TASP1: variants seen among roughly 807,000 people sequenced by gnomAD.
The protein encoded by TASP1 is taspase 1, also known as threonine aspartase 1.
In TASP1, 16 loss-of-function variants were observed where a neutral mutation model predicts 56.6. That is an observed-to-expected ratio of 0.28 (90% CI 0.19 to 0.43). The LOEUF (loss-of-function observed/expected upper bound fraction) is 0.43, where lower values mean the gene tolerates loss of function less well. Among genes scored for constraint, TASP1 ranks in the 20% least tolerant of loss-of-function variants. The probability of loss-of-function intolerance (pLI) is 1.00; values close to 1 mark genes in which losing one functional copy is unlikely to be tolerated. For synonymous variants in TASP1, 179 were observed against 184.2 expected, an observed-to-expected ratio of 0.97 and a Z score of 0.23; for missense variants, 393 against 511.6, an observed-to-expected ratio of 0.77 and a Z score of 2.24.
At chr20:13,337,717 C>T in the TASP1 span, among the ~76,000 whole-genome samples, 1 of 152,226 alleles carries the variant, frequency 6.6e-6, no homozygotes, top group Non-Finnish European at 1.5e-5. Flanking sequence ...TTACCTTTGA[C>T]AGTTCTTGAG....
the TASP1 span, among the ~76,000 whole-genome samples, chr20:13,173,415 G>C: frequency 2.0e-5 from 3 of 152,252 alleles, no homozygotes; most frequent in Non-Finnish European, 4.4e-5. Flanking sequence ...GTTACTTCTT[G>C]CGTCATGTCT....
chr20:13,580,023 G>A (rs528957399), intron 6 of TASP1, among the ~76,000 whole-genome samples: 7 of 152,328 alleles, frequency 4.6e-5, no homozygotes, highest in African/African-American at 1.7e-4. Flanking sequence ...GACTAAGTGT[G>A]ACAAGGTATT....
the TASP1 span, among the ~76,000 whole-genome samples, chr20:13,145,260 C>T: frequency 6.6e-6 from 1 of 152,088 alleles, no homozygotes; most frequent in African/African-American, 2.4e-5. Flanking sequence ...GGCCCCAAAG[C>T]CCCTCAGCTG....
chr20:13,285,548 G>A, the TASP1 span, among the ~76,000 whole-genome samples: 4 of 152,110 alleles, frequency 2.6e-5, no homozygotes, highest in African/African-American at 4.8e-5. Flanking sequence ...GGCACTTCAC[G>A]CTTGGGGGAA....
the TASP1 span, among the ~76,000 whole-genome samples, chr20:13,360,452 C>A: frequency 6.6e-6 from 1 of 152,116 alleles, no homozygotes; most frequent in Non-Finnish European, 1.5e-5. Flanking sequence ...AACCCAAGCA[C>A]CTTCTACAAA....
intron 11 of TASP1, among the ~76,000 whole-genome samples, chr20:13,478,611 A>G (rs934129501): frequency 6.6e-6 from 1 of 152,142 alleles, no homozygotes; most frequent in Non-Finnish European, 1.5e-5. Context: ...AAATTACGTA[A>G]TGGGTACAAT....
In TASP1 at chr20:13,562,308, A is replaced by G. The variant is rs765457842; in HGVS notation, c.569-3194T>C. 5.9e-5 allele frequency among the ~76,000 whole-genome samples: 9 copies of G among 152,166 alleles called. 1 individual carries two copies. Among genetic ancestry groups the G allele is most frequent in the Admixed American group, 1.3e-4 (2 of 15,284 alleles). On this transcript the variant is annotated intron_variant, in intron 7 of 13. Transcript: ENST00000337743. ...CTATAAACACATTAAAAAATAAGAA[A>G]GATTTCAAACAACAACCTAGCTTTA...
At chr20:13,312,061 G>T in the TASP1 span, among the ~76,000 whole-genome samples, 1 of 151,826 alleles carries the variant, frequency 6.6e-6, no homozygotes, top group African/African-American at 2.4e-5. Context: ...TGTCAGTTAA[G>T]AATTAATTAA....
intron 7 of TASP1, among the ~76,000 whole-genome samples, chr20:13,559,710 T>A (rs1272162819): frequency 2.0e-5 from 3 of 152,060 alleles, no homozygotes; most frequent in Admixed American, 2.0e-4. Flanking sequence ...ACCTGTGAGA[T>A]CCCAGGGTAA....
intron 13 of TASP1, among the ~76,000 whole-genome samples, chr20:13,391,052 G>C (rs540150537): frequency 6.6e-6 from 1 of 152,326 alleles, no homozygotes; most frequent in African/African-American, 2.4e-5. Flanking sequence ...CCAGAGGCAA[G>C]CCTGCTGCCC....
the TASP1 span, among the ~76,000 whole-genome samples, chr20:13,268,125 T>C: frequency 8.4e-6 from 1 of 119,640 alleles, no homozygotes; most frequent in African/African-American, 3.3e-5. Flanking sequence ...TCTTCTCTTC[T>C]CTTCTCTTCT....
chr20:13,612,536 T>C (rs1312119370), intron 4 of TASP1, among the ~76,000 whole-genome samples: 4 of 142,556 alleles, frequency 2.8e-5, no homozygotes, highest in Non-Finnish European at 6.2e-5. Flanking sequence ...ACATTCCCCA[T>C]ACACAGAAGC....
the TASP1 span, among the ~76,000 whole-genome samples, chr20:13,273,375 C>G: frequency 6.6e-6 from 1 of 152,010 alleles, no homozygotes; most frequent in Non-Finnish European, 1.5e-5. Flanking sequence ...GCTGGGACTA[C>G]AGGTGTGAGC....
At chr20:13,489,248 T>TA (rs2043434499) in intron 10 of TASP1, among the ~76,000 whole-genome samples, 1 of 152,176 alleles carries the variant, frequency 6.6e-6, no homozygotes, top group Non-Finnish European at 1.5e-5. Flanking sequence ...AAGGCTGTTT[T>TA]ACCACCTTAG....
chr20:13,301,104 A>G, the TASP1 span, among the ~76,000 whole-genome samples: 2 of 152,196 alleles, frequency 1.3e-5, no homozygotes, highest in Non-Finnish European at 2.9e-5. Context: ...TGAAGTCCTT[A>G]TATTCCCGGT....
At position 13,628,069 on chromosome 20, in the gene TASP1, C is replaced by A. The variant is rs549827362; in HGVS notation, c.145+1865G>T. On this transcript the variant is annotated intron_variant, in intron 2 of 13. Transcript: ENST00000337743. ...TAACTTCTCCACTTTGGAACACAGA[C>A]CCCATTTGTTTGGAGTCAGTGTTTC... 9.2e-5 allele frequency among the ~76,000 whole-genome samples: 14 copies of A among 152,342 alleles called. No homozygotes were observed. The East Asian group carries it at 2.5e-3, about 27-fold the overall frequency.
At chr20:13,560,791 T>A (rs191296782) in intron 7 of TASP1, among the ~76,000 whole-genome samples, 63 of 152,076 alleles carry the variant, frequency 4.1e-4, no homozygotes, top group African/African-American at 1.2e-3. Context: ...GAGAAGATGG[T>A]TACTTGAAGA....
chr20:13,269,148 A>C, the TASP1 span, among the ~76,000 whole-genome samples: 2 of 152,166 alleles, frequency 1.3e-5, no homozygotes, highest in Non-Finnish European at 2.9e-5. Context: ...CCCAAACCCC[A>C]AAACATGCCC....
At chr20:13,154,407 C>T in the TASP1 span, among the ~76,000 whole-genome samples, 19 of 152,268 alleles carry the variant, frequency 1.2e-4, no homozygotes, top group African/African-American at 4.6e-4. Flanking sequence ...CTCAGCCTCA[C>T]CTGTAAATTA....
Sources: gnomAD v4.1 joint callset for allele counts (sites outside exome capture counted in the v4.1 genomes callset) on GRCh38, gnomAD v4.1.1 for gene constraint, MANE v1.5 for transcripts, NCBI Gene and HGNC (gene_info 2026-07-23, HGNC 2026-07-21) for gene names.